The following TAFA5 variants were observed in gnomAD, a reference collection of about 807,000 sequenced individuals.
TAFA5 encodes the protein TAFA chemokine like family member 5.
In TAFA5, 6 loss-of-function variants were observed where a neutral mutation model predicts 15.3. That is an observed-to-expected ratio of 0.39 (90% CI 0.21 to 0.77). TAFA5 has a LOEUF of 0.77. Among genes scored for constraint, TAFA5 ranks in the 30% least tolerant of loss-of-function variants. The pLI is 0.41. For missense variants in TAFA5, 161 were observed against 193.1 expected (o/e 0.83, Z 0.98); for synonymous variants, 103 against 80.7 (o/e 1.28, Z -1.48).
At chr22:48,710,041 C>G in intron 3 of TAFA5, among the ~76,000 whole-genome samples, 1 of 152,218 alleles carries the variant, frequency 6.6e-6, no homozygotes, top group Non-Finnish European at 1.5e-5. Flanking sequence ...GTGCCACCAC[C>G]CCCTCTACCT....
intron 1 of TAFA5, among the ~76,000 whole-genome samples, chr22:48,631,960 G>A (rs936637949): frequency 9.2e-5 from 14 of 152,174 alleles, no homozygotes; most frequent in South Asian, 4.1e-4. Flanking sequence ...CAGGCAGTAC[G>A]GGTGGCAGGG....
intron 1 of TAFA5, among the ~76,000 whole-genome samples, chr22:48,512,045 G>A (rs1921234268): frequency 6.6e-6 from 1 of 152,208 alleles, no homozygotes; most frequent in Non-Finnish European, 1.5e-5. Context: ...CCACGGTTCA[G>A]GCGGGGATTT....
chr22:48,579,666 A>G (rs547742322), intron 1 of TAFA5, among the ~76,000 whole-genome samples: 2 of 152,332 alleles, frequency 1.3e-5, no homozygotes, highest in African/African-American at 2.4e-5. Context: ...AGACTTTACA[A>G]TATTTTTCTG....
intron 3 of TAFA5, among the ~76,000 whole-genome samples, chr22:48,739,954 C>T (rs1930134298): frequency 6.6e-6 from 1 of 152,070 alleles, no homozygotes; most frequent in African/African-American, 2.4e-5. Flanking sequence ...GCCCTGCACC[C>T]TCAACTGTCC....
chr22:48,729,797 G>A (rs1001322949), intron 3 of TAFA5, among the ~76,000 whole-genome samples: 1 of 147,934 alleles, frequency 6.8e-6, no homozygotes, highest in African/African-American at 2.5e-5. Context: ...TATATATTTA[G>A]GAACTGAAAT....
At chr22:48,559,721 G>A (rs1025219603) in intron 1 of TAFA5, among the ~76,000 whole-genome samples, 7 of 152,174 alleles carry the variant, frequency 4.6e-5, no homozygotes, top group African/African-American at 1.7e-4. Flanking sequence ...GGGGCGTGTG[G>A]GATGAGGGCA....
chr22:48,561,054 C>T (rs1449380782), intron 1 of TAFA5, among the ~76,000 whole-genome samples: 2 of 152,130 alleles, frequency 1.3e-5, no homozygotes, highest in Admixed American at 1.3e-4. Context: ...GCAGGCTCTG[C>T]TCTTCAAGCT....
chr22:48,718,497 G>T (rs1207406715), intron 3 of TAFA5, among the ~76,000 whole-genome samples: 1 of 152,090 alleles, frequency 6.6e-6, no homozygotes, highest in Non-Finnish European at 1.5e-5. Flanking sequence ...ACCTGTGTGG[G>T]CGCCATCCTC....
chr22:48,636,626 G>GGCCTGTGTGGATCGCCCCGAGT (rs1601632612), intron 1 of TAFA5, among the ~76,000 whole-genome samples: 1 of 152,224 alleles, frequency 6.6e-6, no homozygotes, highest in Non-Finnish European at 1.5e-5. Flanking sequence ...TTCTGTTGTG[G>GGCCTGTGTGGATCGCCCCGAGT]GGAGACGCTC....
At chr22:48,544,794 A>G in intron 1 of TAFA5, 1 of 471,264 alleles carries the variant, frequency 2.1e-6, no homozygotes, top group Non-Finnish European at 4.4e-6. Context: ...ACCACGATCT[A>G]GGCGAGGCCT....
chr22:48,562,426 C>T (rs1010544513), intron 1 of TAFA5, among the ~76,000 whole-genome samples: 1 of 152,234 alleles, frequency 6.6e-6, no homozygotes, highest in Admixed American at 6.5e-5. Context: ...GCGTGAGCCA[C>T]CGCGCCCGGC....
chr22:48,613,381 G>A (rs1925482095), intron 1 of TAFA5, among the ~76,000 whole-genome samples: 2 of 152,126 alleles, frequency 1.3e-5, no homozygotes, highest in African/African-American at 4.8e-5. Flanking sequence ...CCTGCACTGA[G>A]CCTCTGTCAT....
chr22:48,499,110 T>A (rs1418082893), intron 1 of TAFA5, among the ~76,000 whole-genome samples: 2 of 151,914 alleles, frequency 1.3e-5, no homozygotes, highest in Non-Finnish European at 2.9e-5. Flanking sequence ...GGGAGGGAGG[T>A]GTCTCTGCAC....
chr22:48,616,046 G>T (rs1296129721), intron 1 of TAFA5, among the ~76,000 whole-genome samples: 1 of 152,116 alleles, frequency 6.6e-6, no homozygotes, highest in Non-Finnish European at 1.5e-5. Flanking sequence ...GGGTGCAGGG[G>T]TCATCCTTTC....
In TAFA5 at chr22:48,603,460, GC is replaced by G. The variant is rs1925049884; in HGVS notation, c.113-43133del. Among the ~76,000 whole-genome samples, 3 of 152,224 alleles carry G rather than the reference GC, an allele frequency of 2.0e-5. No homozygotes were observed. In the South Asian group the frequency reaches 6.2e-4, roughly 32 times the overall value. On this transcript the variant is annotated intron_variant, in intron 1 of 3. Transcript: ENST00000402357. The stretch of plus-strand genomic sequence containing the variant: ...GCCGGGTGTCTGACGGTCTCCTTGT[GC>G]CCCTGCCTGCTGGTGGAAGATTAGG...
chr22:48,677,086 G>C (rs898182895), intron 2 of TAFA5, among the ~76,000 whole-genome samples: 2 of 152,256 alleles, frequency 1.3e-5, no homozygotes, highest in Admixed American at 1.3e-4. Flanking sequence ...ATATAAATCT[G>C]TATTAAGACA....
chr22:48,749,731 C>G, intron 3 of TAFA5, 108 bp from the exon 4 acceptor site: 1 of 1,331,300 alleles, frequency 7.5e-7, no homozygotes, highest in Non-Finnish European at 1.1e-6. Flanking sequence ...TTCAGGCCCT[C>G]CAGGAGGCCG....
At chr22:48,733,985 G>A (rs1929939793) in intron 3 of TAFA5, among the ~76,000 whole-genome samples, 1 of 152,134 alleles carries the variant, frequency 6.6e-6, no homozygotes, top group South Asian at 2.1e-4. Flanking sequence ...GGTCAGGATG[G>A]GAAAGTGGTG....
In TAFA5 at chr22:48,527,086, A is replaced by G. The variant is rs143613678; in HGVS notation, c.112+37382A>G. Among the ~76,000 whole-genome samples, 21 of 152,342 alleles carry G rather than the reference A, an allele frequency of 1.4e-4. No homozygotes were observed. The East Asian group carries it at 3.9e-3, about 28-fold the overall frequency. On this transcript the variant is annotated intron_variant, in intron 1 of 3. Coordinates refer to ENST00000402357, the MANE Select transcript of TAFA5 (RefSeq NM_001082967.3). Reference sequence around the variant, plus strand: ...GGAGAACTCAGATGTAAGGGGCTTCATTGTAACAGCCCCACCCAGTGCCCC... The same window carrying G: ...GGAGAACTCAGATGTAAGGGGCTTCGTTGTAACAGCCCCACCCAGTGCCCC...
Sources: gnomAD v4.1 joint callset for allele counts (sites outside exome capture counted in the v4.1 genomes callset) on GRCh38, gnomAD v4.1.1 for gene constraint, MANE v1.5 for transcripts, NCBI Gene and HGNC (gene_info 2026-07-23, HGNC 2026-07-21) for gene names.